Variants in PRKCH observed in about 807,000 individuals in gnomAD.
PRKCH encodes protein kinase C eta type.
Under a neutral mutation model 82.5 loss-of-function variants are expected in PRKCH, and 28 were observed. The observed-to-expected ratio is 0.34, with a 90% CI of 0.25 to 0.47. PRKCH has a LOEUF of 0.47. PRKCH is among the 20% of genes least tolerant of loss of function. The probability of loss-of-function intolerance (pLI) is 1.00; values close to 1 mark genes in which losing one functional copy is unlikely to be tolerated. For synonymous variants in PRKCH, 322 were observed against 327.4 expected (o/e 0.98, Z 0.18); for missense variants, 705 against 881.8 (o/e 0.80, Z 2.54).
chr14:61,430,472 G>C (rs927430977), intron 2 of PRKCH, among the ~76,000 whole-genome samples: 1 of 152,162 alleles, frequency 6.6e-6, no homozygotes, highest in Non-Finnish European at 1.5e-5. Flanking sequence ...GACAAATGAA[G>C]CATATCTCTG....
intron 9 of PRKCH, chr14:61,463,365 G>A (rs964656940): frequency 6.6e-6 from 1 of 152,184 alleles, no homozygotes; most frequent in African/African-American, 2.4e-5. Context: ...GAGAAGGTAA[G>A]TATTTTATAG....
chr14:61,456,052 AT>A (rs2140293841), intron 7 of PRKCH, among the ~76,000 whole-genome samples: 1 of 152,354 alleles, frequency 6.6e-6, no homozygotes, highest in South Asian at 2.1e-4. Context: ...GCAGGAAGTT[AT>A]CTTAAGAAAC....
intron 12 of PRKCH, among the ~76,000 whole-genome samples, chr14:61,535,548 TGTGATGAGCAAAGGGGTGGGGCA>T (rs374134250): frequency 2.0e-4 from 30 of 151,474 alleles, no homozygotes; most frequent in African/African-American, 7.0e-4. Context: ...CGGGTTGGAG[TGTGATGAGCAAAGGGGTGGGGCA>T]GTGAGAGCTT....
chr14:61,413,668 C>G (rs747808040), intron 2 of PRKCH, among the ~76,000 whole-genome samples: 2 of 152,072 alleles, frequency 1.3e-5, no homozygotes, highest in Non-Finnish European at 2.9e-5. Context: ...TTTCTCTGAT[C>G]TGTAAACATG....
At chr14:61,466,179 T>G (rs1885246605) in intron 9 of PRKCH, among the ~76,000 whole-genome samples, 1 of 152,206 alleles carries the variant, frequency 6.6e-6, no homozygotes, top group Non-Finnish European at 1.5e-5. Context: ...AGTGGAATTA[T>G]GAAGGATTTT....
intron 1 of PRKCH, among the ~76,000 whole-genome samples, chr14:61,390,505 T>C (rs955872210): frequency 2.6e-5 from 4 of 152,020 alleles, no homozygotes; most frequent in African/African-American, 9.7e-5. Context: ...ACCCCATCTC[T>C]ACTAAAAAAT....
At chr14:61,370,502 G>C (rs2046351926) in intron 1 of PRKCH, among the ~76,000 whole-genome samples, 1 of 151,968 alleles carries the variant, frequency 6.6e-6, no homozygotes, top group South Asian at 2.1e-4. Context: ...GCACTGGGTA[G>C]AAAAATGAAA....
chr14:61,300,674 C>T (rs906778608), intron 1 of PRKCH, among the ~76,000 whole-genome samples: 6 of 152,064 alleles, frequency 3.9e-5, no homozygotes, highest in Admixed American at 6.6e-5. Context: ...AAAGTAGCCC[C>T]CAAATCCTTC....
intron 2 of PRKCH, among the ~76,000 whole-genome samples, chr14:61,394,980 T>C (rs2046751969): frequency 6.6e-6 from 1 of 152,218 alleles, no homozygotes; most frequent in Non-Finnish European, 1.5e-5. Flanking sequence ...TGATAGAGAT[T>C]GATGTCATAG....
intron 10 of PRKCH, among the ~76,000 whole-genome samples, chr14:61,510,150 G>C (rs1463647504): frequency 1.3e-5 from 2 of 152,160 alleles, no homozygotes; most frequent in African/African-American, 4.8e-5. Flanking sequence ...GGAAGGAGCA[G>C]GGCAGAGCTG....
chr14:61,353,915 C>A (rs2046113997), intron 1 of PRKCH: 1 of 152,092 alleles, frequency 6.6e-6, no homozygotes, highest in Admixed American at 6.6e-5. Context: ...CCAGCAGGAG[C>A]AACAGAGTGA....
intron 1 of PRKCH, among the ~76,000 whole-genome samples, chr14:61,264,642 A>G (rs1454014278): frequency 6.6e-6 from 1 of 152,216 alleles, no homozygotes; most frequent in Non-Finnish European, 1.5e-5. Context: ...TTGAAAGCAC[A>G]TAGAGATTTA....
At chr14:61,242,695 G>A (rs778838913) in intron 1 of PRKCH, among the ~76,000 whole-genome samples, 13 of 152,176 alleles carry the variant, frequency 8.5e-5, no homozygotes, top group Non-Finnish European at 1.8e-4. Flanking sequence ...ACCATGCCAA[G>A]CCATGTTTGT....
intron 12 of PRKCH, among the ~76,000 whole-genome samples, chr14:61,535,877 C>G (rs2043101314): frequency 6.6e-6 from 1 of 152,176 alleles, no homozygotes; most frequent in African/African-American, 2.4e-5. Flanking sequence ...ACCATCAAGG[C>G]TGAGTGATGA....
intron 1 of PRKCH, among the ~76,000 whole-genome samples, chr14:61,367,089 C>G (rs564108129): frequency 1.2e-4 from 19 of 152,144 alleles, no homozygotes; most frequent in Admixed American, 1.1e-3. Context: ...ATATGCAGGA[C>G]TTTTTCTTAC....
chr14:61,430,237 T>G (rs555407447), intron 2 of PRKCH, among the ~76,000 whole-genome samples: 3 of 152,292 alleles, frequency 2.0e-5, no homozygotes, highest in South Asian at 4.2e-4. Flanking sequence ...ATTTTAGGCT[T>G]TAGGGATATG....
intron 1 of PRKCH, among the ~76,000 whole-genome samples, chr14:61,229,496 TG>T (rs1460167524): frequency 1.3e-5 from 2 of 152,222 alleles, no homozygotes; most frequent in African/African-American, 4.8e-5. Flanking sequence ...ATTTGTGCAC[TG>T]AGCTCTGGTT....
intron 1 of PRKCH, among the ~76,000 whole-genome samples, chr14:61,207,144 A>ACATCC (rs1244066210): frequency 7.6e-6 from 1 of 131,432 alleles, no homozygotes; most frequent in Non-Finnish European, 1.6e-5. Context: ...AGATGTACTG[A>ACATCC]CATCCCCTAA....
chr14:61,417,273 T>C (rs753151811), intron 2 of PRKCH, among the ~76,000 whole-genome samples: 12 of 152,192 alleles, frequency 7.9e-5, no homozygotes, highest in Non-Finnish European at 1.6e-4. Flanking sequence ...CTTTACCACA[T>C]AGAACCGTCA....
Sources: gnomAD v4.1 joint callset for allele counts (sites outside exome capture counted in the v4.1 genomes callset) on GRCh38, gnomAD v4.1.1 for gene constraint, MANE v1.5 for transcripts, NCBI Gene and HGNC (gene_info 2026-07-23, HGNC 2026-07-21) for gene names.